Variants in LRIG1 observed in about 807,000 individuals in gnomAD.
The protein encoded by LRIG1 is leucine-rich repeats and immunoglobulin-like domains protein 1.
Under a neutral mutation model 99.2 loss-of-function variants are expected in LRIG1, and 48 were observed. The ratio of observed to expected loss-of-function variants is 0.48; its 90% CI spans 0.38 to 0.62. LRIG1 has a LOEUF of 0.62. Among genes scored for constraint, LRIG1 ranks in the 20% least tolerant of loss-of-function variants. The pLI, the probability that LRIG1 is intolerant of heterozygous loss-of-function variation, is 0.00. For synonymous variants in LRIG1, 772 were observed against 596.1 expected (o/e 1.29, Z -4.30); for missense variants, 1,646 against 1,434.4 (o/e 1.15, Z -2.38).
chr3:66,493,260 T>C (rs749393084), intron 1 of LRIG1, among the ~76,000 whole-genome samples: 6 of 152,178 alleles, frequency 3.9e-5, no homozygotes, highest in African/African-American at 1.2e-4. Flanking sequence ...TGGGAAATAA[T>C]AGGATAAAAT....
At chr3:66,436,064 C>T (rs1348893464) in intron 3 of LRIG1, among the ~76,000 whole-genome samples, 1 of 152,138 alleles carries the variant, frequency 6.6e-6, no homozygotes, top group East Asian at 1.9e-4. Context: ...TAATTACTTC[C>T]CATCATTTAG....
At chr3:66,482,911 G>T (rs1575727044) in intron 1 of LRIG1, among the ~76,000 whole-genome samples, 1 of 152,152 alleles carries the variant, frequency 6.6e-6, no homozygotes, top group African/African-American at 2.4e-5. Context: ...ACACTATCCA[G>T]TGATAATATT....
chr3:66,406,471 C>T, intron 8 of LRIG1: 1 of 961,106 alleles, frequency 1.0e-6, no homozygotes, highest in Non-Finnish European at 1.2e-6. Flanking sequence ...CTTTCACACT[C>T]CCTGGCAATG....
intron 1 of LRIG1, among the ~76,000 whole-genome samples, chr3:66,490,613 C>T (rs1346687356): frequency 6.7e-6 from 1 of 149,188 alleles, no homozygotes; most frequent in Non-Finnish European, 1.5e-5. Flanking sequence ...TTCATAGAAT[C>T]TCTCAATACT....
rs1701250165 is a variant in LRIG1, at chr3:66,384,189, G to A, written c.1873C>T (p.His625Tyr). The change falls in exon 14 of 19, where the codon CAC becomes TAC. Residue 625 changes from histidine (H) to tyrosine (Y), a missense_variant. By Grantham distance (83) the His-to-Tyr change is moderately conservative. Coordinates refer to ENST00000273261, the MANE Select transcript of LRIG1 (RefSeq NM_015541.3). ...MARLECAATG[H>Y]PNPQIAWQKD... ...TGCCAGGCAATCTGAGGGTTTGGGT[G>A]ACCTGTGGCAGCACATTCGAGGCGG... The A allele has an allele frequency of 6.2e-7, 1 of 1,614,178 alleles. No homozygotes were observed. The highest frequency in any genetic ancestry group is 1.6e-4 in the Middle Eastern group (1 of 6,062).
intron 6 of LRIG1, among the ~76,000 whole-genome samples, chr3:66,410,951 T>TAAA (rs1702444923): frequency 6.6e-6 from 1 of 152,240 alleles, no homozygotes; most frequent in South Asian, 2.1e-4. Context: ...AGACCCGCTT[T>TAAA]AGCTCTGGCG....
At chr3:66,459,916 G>A (rs1289805103) in intron 2 of LRIG1, among the ~76,000 whole-genome samples, 1 of 152,124 alleles carries the variant, frequency 6.6e-6, no homozygotes, top group African/African-American at 2.4e-5. Flanking sequence ...GGAACTGAAG[G>A]CAAAAGGAAA....
Position 66,382,390 on chromosome 3 carries a change from C to T in LRIG1, c.2500G>A (p.Val834Ile), listed in dbSNP as rs188209530. 78 of 1,614,198 alleles carry T rather than the reference C, an allele frequency of 4.8e-5. No individual in the cohort carries two copies. Among genetic ancestry groups the T allele is most frequent in the East Asian group, 4.0e-4 (18 of 44,884 alleles). The change falls in exon 16 of 19, where the codon GTC (valine) becomes ATC (isoleucine). Residue 834 changes from valine (V) to isoleucine (I), a missense_variant. By Grantham distance (29) the Val-to-Ile change is conservative (BLOSUM62 3). Coordinates refer to ENST00000273261, the MANE Select transcript of LRIG1 (RefSeq NM_015541.3). ...EYSVTNTDET[V>I]VPPDVPSYLS... is the part of the protein sequence containing the mutation. ...TAGCTTGGAACATCTGGTGGCACGA[C>T]GGTTTCATCTGCAAGGAGACAGAAC...
At chr3:66,434,612 TGGC>T (rs1168126551) in intron 3 of LRIG1, among the ~76,000 whole-genome samples, 2 of 151,970 alleles carry the variant, frequency 1.3e-5, no homozygotes, top group Non-Finnish European at 2.9e-5. Context: ...CCAGGCCTGG[TGGC>T]GTAAGCCTGC....
At chr3:66,454,528 G>A (rs1700165952) in intron 2 of LRIG1, among the ~76,000 whole-genome samples, 2 of 152,010 alleles carry the variant, frequency 1.3e-5, no homozygotes, top group South Asian at 4.2e-4. Flanking sequence ...CCCTGCCGAC[G>A]CCCATCTCTC....
rs766136932 is a variant in LRIG1, at chr3:66,383,972, AGTAGAGCAATAGG to A, written c.2071+6_2071+18del. The A allele has an allele frequency of 6.2e-7, 1 of 1,609,876 alleles. No homozygotes were observed. Among genetic ancestry groups the A allele is most frequent in the Non-Finnish European group, 8.5e-7 (1 of 1,176,932 alleles). ...CTCACACACACACACACACACACAC[AGTAGAGCAATAGG>A]CAAACCTAGGACAGTCAGGGTGGCA... On this transcript the variant is annotated splice_donor_region_variant and intron_variant, in intron 14 of 18. Transcript: ENST00000273261.
chr3:66,430,986 T>C (rs889911942), intron 3 of LRIG1, among the ~76,000 whole-genome samples: 2 of 151,658 alleles, frequency 1.3e-5, no homozygotes, highest in Admixed American at 1.3e-4. Context: ...ACTGATGGTG[T>C]TCCCTCCACC....
chr3:66,451,531 C>A, intron 3 of LRIG1, 28 bp downstream of exon 3: 1 of 1,611,004 alleles, frequency 6.2e-7, no homozygotes. Flanking sequence ...ACCACACAGC[C>A]CAGAGTCCCC....
intron 1 of LRIG1, among the ~76,000 whole-genome samples, chr3:66,495,155 C>A (rs369474757): frequency 5.9e-5 from 9 of 152,278 alleles, no homozygotes; most frequent in African/African-American, 2.2e-4. Flanking sequence ...TAGAATGAAC[C>A]CTAGTGGCTC....
At chr3:66,406,287 G>T in intron 8 of LRIG1, 1 of 985,454 alleles carries the variant, frequency 1.0e-6, no homozygotes, top group Non-Finnish European at 1.2e-6. Flanking sequence ...GAAAAAACCA[G>T]GAACCAGGGA....
chr3:66,406,208 A>G, intron 8 of LRIG1: 3 of 985,460 alleles, frequency 3.0e-6, no homozygotes, highest in Non-Finnish European at 3.6e-6. Context: ...AGGAAGGTCA[A>G]ATAGTGGAGA....
intron 1 of LRIG1, among the ~76,000 whole-genome samples, chr3:66,481,075 C>T (rs756846135): frequency 2.6e-5 from 4 of 152,104 alleles, no homozygotes; most frequent in Non-Finnish European, 4.4e-5. Context: ...TAGAAATGGC[C>T]AACGGTCCCC....
chr3:66,426,920 C>T (rs979047819), intron 3 of LRIG1, among the ~76,000 whole-genome samples: 2 of 152,214 alleles, frequency 1.3e-5, no homozygotes, highest in East Asian at 3.8e-4. Context: ...TGTGGACTCT[C>T]ACCGAAATGG....
At chr3:66,429,180 T>C (rs1174836173) in intron 3 of LRIG1, among the ~76,000 whole-genome samples, 3 of 152,170 alleles carry the variant, frequency 2.0e-5, no homozygotes, top group African/African-American at 7.2e-5. Flanking sequence ...CCCATCCCCA[T>C]GAGACTACCT....
Sources: gnomAD v4.1 joint callset for allele counts (sites outside exome capture counted in the v4.1 genomes callset) on GRCh38, gnomAD v4.1.1 for gene constraint, MANE v1.5 for transcripts, NCBI Gene and HGNC (gene_info 2026-07-23, HGNC 2026-07-21) for gene names.